Variants in ZDHHC2 observed in about 807,000 individuals in gnomAD.
ZDHHC2 encodes the protein palmitoyltransferase ZDHHC2.
In ZDHHC2, 51 loss-of-function variants were observed where a neutral mutation model predicts 55.6. The ratio of observed to expected loss-of-function variants is 0.92; its 90% CI spans 0.73 to 1.16. The LOEUF is 1.16. ZDHHC2 is among the 50% of genes most tolerant of loss of function. The probability of loss-of-function intolerance (pLI) is 0.00; values close to 1 mark genes in which losing one functional copy is unlikely to be tolerated. For synonymous variants in ZDHHC2, 199 were observed against 152.9 expected (o/e 1.30, Z -2.22); for missense variants, 491 against 442.4 (o/e 1.11, Z -0.99).
intron 1 of ZDHHC2, among the ~76,000 whole-genome samples, chr8:17,164,742 A>G (rs1036289895): frequency 2.0e-5 from 3 of 152,214 alleles, no homozygotes; most frequent in African/African-American, 7.2e-5. Flanking sequence ...CAAAAATTGT[A>G]TGTGATTATA....
chr8:17,219,521 C>T (rs1411968078), intron 12 of ZDHHC2, among the ~76,000 whole-genome samples: 2 of 151,952 alleles, frequency 1.3e-5, no homozygotes, highest in African/African-American at 4.8e-5. Flanking sequence ...CTTGCGGAGG[C>T]CAAGGCAAGC....
intron 11 of ZDHHC2, 69 bp from the exon 12 acceptor site, chr8:17,217,103 A>G (rs1236463125): frequency 2.0e-6 from 3 of 1,492,028 alleles, no homozygotes; most frequent in Non-Finnish European, 2.8e-6. Flanking sequence ...TTATTCATAG[A>G]TGAATAAGAA....
At chr8:17,183,466 A>G (rs1805539725) in intron 1 of ZDHHC2, among the ~76,000 whole-genome samples, 1 of 152,206 alleles carries the variant, frequency 6.6e-6, no homozygotes, top group African/African-American at 2.4e-5. Flanking sequence ...TTACAAGCGG[A>G]CTTGGAGAAC....
chr8:17,211,619 T>A (rs928955851), intron 10 of ZDHHC2, among the ~76,000 whole-genome samples: 2 of 152,084 alleles, frequency 1.3e-5, no homozygotes, highest in African/African-American at 4.8e-5. Context: ...CCCTTTTAAA[T>A]TGGGAATTAA....
At chr8:17,208,217 C>T (rs1807201192) in intron 8 of ZDHHC2, 125 bp downstream of exon 8, 9 of 1,002,886 alleles carry the variant, frequency 9.0e-6, no homozygotes, top group Non-Finnish European at 1.2e-5. Context: ...TTATTTTCCT[C>T]ATTGTTTTTT....
chr8:17,165,326 C>G (rs892874012), intron 1 of ZDHHC2, among the ~76,000 whole-genome samples: 1 of 152,158 alleles, frequency 6.6e-6, no homozygotes, highest in Non-Finnish European at 1.5e-5. Context: ...TAGTGATTAG[C>G]CAGGGCATCT....
At chr8:17,160,603 C>T (rs1017802922) in intron 1 of ZDHHC2, among the ~76,000 whole-genome samples, 5 of 152,214 alleles carry the variant, frequency 3.3e-5, no homozygotes, top group African/African-American at 9.6e-5. Flanking sequence ...CAGCAAACCC[C>T]TCTCCAAATA....
At chr8:17,190,124 G>A (rs569005870) in intron 3 of ZDHHC2, among the ~76,000 whole-genome samples, 1 of 151,866 alleles carries the variant, frequency 6.6e-6, no homozygotes, top group South Asian at 2.1e-4. Flanking sequence ...TTAAAGTTTT[G>A]TATATGAGGT....
At chr8:17,193,921 A>T (rs562924126) in intron 3 of ZDHHC2, among the ~76,000 whole-genome samples, 2 of 152,132 alleles carry the variant, frequency 1.3e-5, no homozygotes, top group African/African-American at 4.8e-5. Context: ...CCTCCCCTAG[A>T]TCCCCACCCC....
In ZDHHC2 at chr8:17,173,663, C is replaced by T. The variant is rs144364025; in HGVS notation, c.131-11126C>T. 1.2e-3 allele frequency among the ~76,000 whole-genome samples: 165 copies of T among 140,202 alleles called. 1 individual carries two copies. Among genetic ancestry groups the T allele is most frequent in the Non-Finnish European group, 2.1e-3 (138 of 64,198 alleles). 92.0% of individuals were successfully genotyped at this position (140,202 alleles called of 152,430 possible). A position where few individuals can be genotyped will look rare whatever the true frequency, so the allele number is the denominator to read the frequency against. ...CACCACTGCATTCCAGCTTGAGAGA[C>T]GGAAAAAGACCCTGTCTTAAAAAAA... On this transcript the variant is annotated intron_variant, in intron 1 of 12. Coordinates refer to ENST00000262096, the MANE Select transcript of ZDHHC2 (RefSeq NM_016353.5).
At chr8:17,172,282 C>G (rs564931628) in intron 1 of ZDHHC2, among the ~76,000 whole-genome samples, 2 of 152,332 alleles carry the variant, frequency 1.3e-5, no homozygotes, top group Non-Finnish European at 2.9e-5. Flanking sequence ...AGCGTTAGCT[C>G]TCTCTTGGCC....
chr8:17,191,174 C>G lies in ZDHHC2; in HGVS notation c.253-4330C>G, dbSNP rs182094553. On this transcript the variant is annotated intron_variant, in intron 3 of 12. Transcript: ENST00000262096. ...ATGAAGTTTCACCATGTTGGCCAGG[C>G]TGGTCTCAAACTCCTGACCTCGTGA... Among the ~76,000 whole-genome samples the G allele has an allele frequency of 4.6e-5, 7 of 152,008 alleles. No homozygotes were observed. The East Asian group carries it at 1.4e-3, about 29-fold the overall frequency.
chr8:17,161,313 T>C (rs184095470), intron 1 of ZDHHC2, among the ~76,000 whole-genome samples: 6 of 152,350 alleles, frequency 3.9e-5, no homozygotes, highest in African/African-American at 1.4e-4. Context: ...AATATCTTGA[T>C]ATTCCTGATA....
intron 1 of ZDHHC2, among the ~76,000 whole-genome samples, chr8:17,172,802 G>A (rs1259509981): frequency 6.6e-6 from 1 of 152,102 alleles, no homozygotes; most frequent in Admixed American, 6.6e-5. Context: ...GCTTTGGATG[G>A]AGGTCAGGAA....
At position 17,224,262 on chromosome 8, in the gene ZDHHC2, T is replaced by C. The variant is rs1808034550; in HGVS notation, c.*4041T>C. On this transcript the variant is annotated 3_prime_UTR_variant, in exon 13 of 13. Transcript: ENST00000262096. ...GGCAAAAACAAACTGGTGAAAAATGTTCAAAAATAGATCTTTTTGATGTTC... is the reference window on the plus strand; with the variant it reads ...GGCAAAAACAAACTGGTGAAAAATGCTCAAAAATAGATCTTTTTGATGTTC... The C allele has an allele frequency of 6.6e-6, 1 of 151,772 alleles. No individual in the cohort carries two copies. Among genetic ancestry groups the C allele is most frequent in the Admixed American group, 6.6e-5 (1 of 15,202 alleles). 9.4% of individuals were successfully genotyped at this position (151,772 alleles called of 1,614,324 possible).
chr8:17,196,305 G>A (rs1005658228), intron 4 of ZDHHC2, among the ~76,000 whole-genome samples: 4 of 152,034 alleles, frequency 2.6e-5, no homozygotes, highest in African/African-American at 4.8e-5. Context: ...GCTGTTGAGC[G>A]CTTGAAGTAT....
intron 12 of ZDHHC2, among the ~76,000 whole-genome samples, chr8:17,217,671 A>G (rs757811687): frequency 3.3e-5 from 5 of 152,210 alleles, no homozygotes; most frequent in Non-Finnish European, 7.4e-5. Context: ...CAATATAATT[A>G]TATCTCATTA....
chr8:17,203,094 C>T (rs1277857905), intron 6 of ZDHHC2, among the ~76,000 whole-genome samples: 1 of 104,986 alleles, frequency 9.5e-6, no homozygotes, highest in Non-Finnish European at 1.9e-5. Flanking sequence ...TGGAATTTCA[C>T]TGTCACCCAG....
At chr8:17,162,881 G>T (rs1308620595) in intron 1 of ZDHHC2, 1 of 152,236 alleles carries the variant, frequency 6.6e-6, no homozygotes, top group Non-Finnish European at 1.5e-5. Context: ...AAGAGCTTTT[G>T]GGGAGCACGT....
Sources: allele counts gnomAD v4.1 joint callset (sites outside exome capture counted in the v4.1 genomes callset), GRCh38; gene constraint gnomAD v4.1.1; transcripts MANE v1.5; gene names NCBI Gene and HGNC (gene_info 2026-07-23, HGNC 2026-07-21).